The following EYA2 variants were observed in gnomAD, a reference collection of about 807,000 sequenced individuals.
EYA2 encodes the protein protein phosphatase EYA2.
Under a neutral mutation model 69.2 loss-of-function variants are expected in EYA2, and 31 were observed. The observed-to-expected ratio is 0.45, with a 90% CI of 0.34 to 0.60. The LOEUF (loss-of-function observed/expected upper bound fraction) is 0.60, where lower values mean the gene tolerates loss of function less well. Ranked by LOEUF, EYA2 falls within the 20% of genes least tolerant of loss-of-function variation. The probability of loss-of-function intolerance (pLI) is 0.02; values close to 1 mark genes in which losing one functional copy is unlikely to be tolerated. For synonymous variants in EYA2, 257 were observed against 279.4 expected, an observed-to-expected ratio of 0.92 and a Z score of 0.80; for missense variants, 622 against 701.2, an observed-to-expected ratio of 0.89 and a Z score of 1.28.
At chr20:46,922,484 G>A (rs1000347260) in intron 1 of EYA2, among the ~76,000 whole-genome samples, 2 of 152,228 alleles carry the variant, frequency 1.3e-5, no homozygotes, top group Admixed American at 1.3e-4. Context: ...ATTTTGAAAT[G>A]TAACAACAGC....
rs774248478 is a variant in EYA2 at position 47,172,830 on chromosome 20, G to A, written c.1161G>A (p.Val387=). 5 of 1,613,744 alleles carry A rather than the reference G, an allele frequency of 3.1e-6. No individual in the cohort carries two copies. Among genetic ancestry groups the A allele is most frequent in the Non-Finnish European group, 4.2e-6 (5 of 1,179,896 alleles). The part of the protein sequence containing the change: ...MRKLAFRYRR[V]KEMYNTYKNN... ...AGCTGGCCTTCCGCTACCGGCGGGTGAAGGAGATGTACAATACCTACAAGA... is the reference window on the plus strand; with the variant it reads ...AGCTGGCCTTCCGCTACCGGCGGGTAAAGGAGATGTACAATACCTACAAGA... The change falls in exon 12 of 16, where the codon GTG becomes GTA. Residue 387 remains valine, a synonymous_variant. Coordinates refer to ENST00000327619, the MANE Select transcript of EYA2 (RefSeq NM_005244.5).
chr20:46,980,571 G>C (rs550916632), intron 1 of EYA2, among the ~76,000 whole-genome samples: 1 of 152,134 alleles, frequency 6.6e-6, no homozygotes, highest in South Asian at 2.1e-4. Flanking sequence ...AGCATAATTG[G>C]GATTTCATCC....
In EYA2 at chr20:46,944,960, C is replaced by T. The variant is rs186859216; in HGVS notation, c.-10-45041C>T. On this transcript the variant is annotated intron_variant, in intron 1 of 15. Transcript: ENST00000327619. ...CTCTACAAAAAATACAAAAATTAGC[C>T]AGGCGCGGTGGTGCCTGCGTGTAGT... Among the ~76,000 whole-genome samples, 4 of 152,152 alleles carry T rather than the reference C, an allele frequency of 2.6e-5. No individual in the cohort carries two copies. In the East Asian group the frequency reaches 7.7e-4, roughly 29 times the overall value.
intron 1 of EYA2, among the ~76,000 whole-genome samples, chr20:46,985,513 C>T (rs1029108): frequency 2.8e-4 from 43 of 152,292 alleles, no homozygotes; most frequent in African/African-American, 8.7e-4. Context: ...AAATAAGCTA[C>T]GTGACTGAGG....
chr20:47,074,232 C>A lies in EYA2; in HGVS notation c.558C>A (p.Tyr186Ter). The change falls in exon 7 of 16, where the codon TAC becomes TAA. Residue 186 changes from tyrosine to a stop codon, truncating the protein, a stop_gained. Transcript: ENST00000327619. LOFTEE classifies it high-confidence loss of function. ...QYYGSSYNPPYVPASSICPSP... is the reference protein window; with the variant it reads ...QYYGSSYNPP ...ACGGCTCATCCTACAACCCTCCCTA[C>A]GTCCCGGCCAGCAGCATCTGCCCTT... 1 of 1,614,140 alleles carries A rather than the reference C, an allele frequency of 6.2e-7. No individual in the cohort carries two copies. The highest frequency in any genetic ancestry group is 8.5e-7 in the Non-Finnish European group (1 of 1,179,986).
intron 1 of EYA2, among the ~76,000 whole-genome samples, chr20:46,969,076 A>ATT (rs3092441): frequency 4.6e-5 from 7 of 151,968 alleles, no homozygotes; most frequent in Admixed American, 2.0e-4. Flanking sequence ...GCTAGCTGGG[A>ATT]TTTTTTTTAC....
intron 1 of EYA2, among the ~76,000 whole-genome samples, chr20:46,938,248 C>T (rs1986005716): frequency 6.6e-6 from 1 of 152,180 alleles, no homozygotes; most frequent in Non-Finnish European, 1.5e-5. Flanking sequence ...TAAAGCTTCC[C>T]ACATTTTCTT....
chr20:47,185,859 CCTCT>C (rs879574285), intron 15 of EYA2, among the ~76,000 whole-genome samples: 1 of 151,478 alleles, frequency 6.6e-6, no homozygotes, highest in Admixed American at 6.6e-5. Context: ...TCTTTTTTTC[CCTCT>C]CTCTCTTCCT....
intron 10 of EYA2, among the ~76,000 whole-genome samples, chr20:47,144,375 A>G (rs1466875740): frequency 6.6e-6 from 1 of 152,128 alleles, no homozygotes; most frequent in Admixed American, 6.5e-5. Context: ...AAAGAAAGAA[A>G]AAGAAAGGCA....
At chr20:46,974,029 C>T (rs188850053) in intron 1 of EYA2, among the ~76,000 whole-genome samples, 260 of 152,230 alleles carry the variant, frequency 1.7e-3, no homozygotes, top group Non-Finnish European at 3.0e-3. Flanking sequence ...GGCTCTCAAT[C>T]CATCTCTGCT....
chr20:46,962,608 C>A (rs1308421434), intron 1 of EYA2, among the ~76,000 whole-genome samples: 1 of 152,218 alleles, frequency 6.6e-6, no homozygotes, highest in Non-Finnish European at 1.5e-5. Context: ...CCTGGTACAT[C>A]TTCCACAGTG....
At chr20:46,946,582 C>T (rs761072020) in intron 1 of EYA2, among the ~76,000 whole-genome samples, 23 of 152,154 alleles carry the variant, frequency 1.5e-4, no homozygotes, top group Admixed American at 7.9e-4. Context: ...TATAGGCCAG[C>T]GGTCAGCAAA....
intron 5 of EYA2, among the ~76,000 whole-genome samples, chr20:47,053,973 C>T (rs948909726): frequency 1.3e-5 from 2 of 151,962 alleles, no homozygotes; most frequent in Non-Finnish European, 1.5e-5. Flanking sequence ...CCTTGGGCCT[C>T]AGTTTCCCCA....
At chr20:47,074,093 G>A (rs2031418613) in intron 6 of EYA2, 65 bp from the exon 7 acceptor site, 8 of 1,454,362 alleles carry the variant, frequency 5.5e-6, no homozygotes, top group Middle Eastern at 1.8e-4. Context: ...TGGCCAGGCT[G>A]ACCAACGGCC....
intron 1 of EYA2, among the ~76,000 whole-genome samples, chr20:46,935,879 C>T (rs1600559281): frequency 6.6e-6 from 1 of 151,510 alleles, no homozygotes; most frequent in African/African-American, 2.4e-5. Context: ...TATTATTATT[C>T]GGTAGTAGTA....
chr20:47,067,679 A>G (rs1315552192), intron 5 of EYA2, among the ~76,000 whole-genome samples: 1 of 152,210 alleles, frequency 6.6e-6, no homozygotes, highest in Non-Finnish European at 1.5e-5. Context: ...GAGAGGAACT[A>G]TCTTAAATGA....
At chr20:46,954,131 G>C (rs557736924) in intron 1 of EYA2, among the ~76,000 whole-genome samples, 1 of 152,058 alleles carries the variant, frequency 6.6e-6, no homozygotes, top group African/African-American at 2.4e-5. Context: ...CACATCACTT[G>C]CTCATCCACT....
At chr20:47,178,330 T>C (rs193169287) in intron 12 of EYA2, among the ~76,000 whole-genome samples, 4,428 of 115,356 alleles carry the variant, frequency 0.038, 232 homozygotes, top group African/African-American at 0.16. Context: ...AGCAAGATCT[T>C]GTCTCAAAAA....
chr20:47,169,750 C>T (rs963068848), intron 11 of EYA2, among the ~76,000 whole-genome samples: 2 of 152,148 alleles, frequency 1.3e-5, no homozygotes, highest in African/African-American at 4.8e-5. Flanking sequence ...TTCAGCTTCT[C>T]TCCTCCAATC....
Sources: allele counts gnomAD v4.1 joint callset (sites outside exome capture counted in the v4.1 genomes callset), GRCh38; gene constraint gnomAD v4.1.1; transcripts MANE v1.5; gene names NCBI Gene and HGNC (gene_info 2026-07-23, HGNC 2026-07-21).